Variants in NOP14 observed in about 807,000 individuals in gnomAD.
The protein encoded by NOP14 is NOP14 nucleolar protein.
NOP14 carries 57 observed loss-of-function variants against 101.6 expected under a neutral mutation model. The observed-to-expected ratio is 0.56, with a 90% CI of 0.45 to 0.70. The LOEUF (loss-of-function observed/expected upper bound fraction) is 0.70, where lower values mean the gene tolerates loss of function less well. NOP14 is among the 30% of genes least tolerant of loss of function. The probability of loss-of-function intolerance (pLI) is 0.00; values close to 1 mark genes in which losing one functional copy is unlikely to be tolerated. For missense variants in NOP14, 1,134 were observed against 1,075.5 expected, an observed-to-expected ratio of 1.05 and a Z score of -0.76; for synonymous variants, 428 against 424.0, an observed-to-expected ratio of 1.01 and a Z score of -0.12.
chr4:2,956,586 T>C, intron 3 of NOP14, 84 bp downstream of exon 3: 4 of 1,338,012 alleles, frequency 3.0e-6, no homozygotes, highest in Non-Finnish European at 4.0e-6. Flanking sequence ...TTCTCTAGTC[T>C]CTAAGAAGAG....
In NOP14 at chr4:2,952,271, C is replaced by G. The variant is rs1275368291; in HGVS notation, c.870+4G>C. 6.2e-7 allele frequency: 1 copy of G among 1,613,006 alleles called. No homozygotes were observed. The highest frequency in any genetic ancestry group is 1.7e-5 in the Admixed American group (1 of 59,996). ...GCCCTGCTCCTGAGGTGCTGCCACC[C>G]TACCTCCAGCTTCCTGAGGTGCTCC... On this transcript the variant is annotated splice_donor_region_variant and intron_variant, in intron 6 of 17. Transcript: ENST00000416614.
chr4:2,938,558 G>C lies in NOP14; in HGVS notation c.*273C>G. 1 of 476,034 alleles carries C rather than the reference G, an allele frequency of 2.1e-6. No homozygotes were observed. The highest frequency in any genetic ancestry group is 4.1e-5 in the East Asian group (1 of 24,182). The allele number at this position is 476,034 out of a possible 1,614,324, so 29.5% of individuals were successfully genotyped here. The stretch of plus-strand genomic sequence containing the variant: ...CAGTCTTGCACTGTGGCCGAGGCTG[G>C]AGTGCAGTGGCTCAATCACGGCTCA... On this transcript the variant is annotated 3_prime_UTR_variant, in exon 18 of 18. Transcript: ENST00000416614.
At chr4:2,961,246 GTAAC>G (rs1560312346) in intron 1 of NOP14, 95 of 129,840 alleles carry the variant, frequency 7.3e-4, no homozygotes, top group African/African-American at 2.4e-3. Flanking sequence ...TTAATATATA[GTAAC>G]TATATTAATA....
At chr4:2,942,979 C>T (rs558656953) in intron 13 of NOP14, among the ~76,000 whole-genome samples, 54 of 152,304 alleles carry the variant, frequency 3.5e-4, no homozygotes, top group African/African-American at 1.2e-3. Context: ...GGTCAGGCCC[C>T]GCCCCACACT....
chr4:2,950,060 C>T lies in NOP14; in HGVS notation c.1156G>A (p.Val386Met), dbSNP rs201384599. The stretch of plus-strand genomic sequence containing the variant: ...TTCTCGTTTTCTTCCTCACTCTCCA[C>T]GTTGGATTCCAGGTCCAAGTGGCTA... ...PDSHLDLESN[V>M]ESEEENEKPA... Residue 386 changes from valine to methionine, a missense_variant, in exon 8 of 18, where the codon GTG (valine) becomes ATG (methionine). Transcript: ENST00000416614. 1.2e-5 allele frequency: 19 copies of T among 1,614,150 alleles called. No individual in the cohort carries two copies. Among genetic ancestry groups the T allele is most frequent in the Middle Eastern group, 1.6e-4 (1 of 6,062 alleles).
At chr4:2,953,767 C>A in intron 4 of NOP14, 122 bp from the exon 5 acceptor site, 2 of 1,070,300 alleles carry the variant, frequency 1.9e-6, no homozygotes, top group Non-Finnish European at 2.7e-6. Context: ...CGTTTCAACA[C>A]AGAAAAGAGG....
rs1184045935 is a variant in NOP14 at position 2,945,202 on chromosome 4, G to A, written c.1663C>T (p.Leu555=). Reference sequence around the variant, plus strand: ...TGCCAGAAGTCGGAAGTTGGAAATAGCAGCCCAGTGATTTTCAAATAAATG... The same window carrying A: ...TGCCAGAAGTCGGAAGTTGGAAATAACAGCCCAGTGATTTTCAAATAAATG... ...VLIYLKITGL[L]FPTSDFWHPV... Residue 555 remains leucine, a synonymous_variant, in exon 12 of 18, where the codon CTA becomes TTA. Transcript: ENST00000416614. 1 of 1,579,816 alleles carries A rather than the reference G, an allele frequency of 6.3e-7. No homozygotes were observed. Among genetic ancestry groups the A allele is most frequent in the Non-Finnish European group, 8.6e-7 (1 of 1,161,994 alleles).
Position 2,958,452 on chromosome 4 carries a change from C to T in NOP14, c.196-712G>A, listed in dbSNP as rs78876416. 2.0e-3 allele frequency among the ~76,000 whole-genome samples: 302 copies of T among 152,296 alleles called. 1 individual carries two copies. Among genetic ancestry groups the T allele is most frequent in the Middle Eastern group, 3.4e-3 (1 of 294 alleles). ...CCACATTGCAAACTCTTTCTTGCTG[C>T]GGAACTTCTTCTATTTGCTAAGGAA... is the stretch of plus-strand genomic sequence containing the variant. On this transcript the variant is annotated intron_variant, in intron 1 of 17. Transcript: ENST00000416614.
At chr4:2,947,997 T>C (rs1307167437) in intron 9 of NOP14, among the ~76,000 whole-genome samples, 2 of 152,252 alleles carry the variant, frequency 1.3e-5, no homozygotes, top group East Asian at 3.8e-4. Flanking sequence ...ACGCTGGCTA[T>C]GTGAACCCTA....
intron 3 of NOP14, among the ~76,000 whole-genome samples, chr4:2,954,865 C>T (rs937441876): frequency 4.6e-5 from 7 of 152,124 alleles, no homozygotes; most frequent in African/African-American, 1.7e-4. Flanking sequence ...GACTGGCAAA[C>T]CCAGAGCAAG....
intron 5 of NOP14, among the ~76,000 whole-genome samples, chr4:2,952,606 G>C (rs1170206191): frequency 6.6e-6 from 1 of 152,116 alleles, no homozygotes; most frequent in Non-Finnish European, 1.5e-5. Context: ...CGGTCACAAA[G>C]AATTTGTTTA....
chr4:2,959,209 A>G (rs1238119852), intron 1 of NOP14, among the ~76,000 whole-genome samples: 2 of 152,238 alleles, frequency 1.3e-5, no homozygotes, highest in Non-Finnish European at 2.9e-5. Context: ...TTCAAGAACC[A>G]ATTTGTTTCA....
At position 2,941,296 on chromosome 4, in the gene NOP14, T is replaced by C. The variant is rs921754970; in HGVS notation, c.2199+286A>G. 9 of 411,778 alleles carry C rather than the reference T, an allele frequency of 2.2e-5. 1 individual carries two copies. Among genetic ancestry groups the C allele is most frequent in the African/African-American group, 1.9e-4 (9 of 48,258 alleles). The allele number at this position is 411,778 out of a possible 1,614,324, so 25.5% of individuals were successfully genotyped here. ...CTGACTGTCCAGGCCTGGCAGGGGCTGACCCCTGGGCGCTGGTGCACCCTC... is the reference window on the plus strand; with the variant it reads ...CTGACTGTCCAGGCCTGGCAGGGGCCGACCCCTGGGCGCTGGTGCACCCTC... On this transcript the variant is annotated intron_variant, in intron 15 of 17. Coordinates refer to ENST00000416614, the MANE Select transcript of NOP14 (RefSeq NM_001291978.2).
Position 2,939,628 on chromosome 4 carries a change from T to G in NOP14, c.2217A>C (p.Thr739=). ...GCTTCTGGCTTTCCATTTCGGTCAG[T>G]GTGCTCTGACACAGCTCCTGAAAAA... ...PQELQELCQS[T]LTEMESQKQL... is the part of the protein sequence containing the mutation. The change falls in exon 16 of 18, where the codon ACA becomes ACC. Residue 739 remains threonine, a synonymous_variant. Transcript: ENST00000416614. 1.2e-6 allele frequency: 2 copies of G among 1,613,668 alleles called. No homozygotes were observed. The highest frequency in any genetic ancestry group is 1.7e-6 in the Non-Finnish European group (2 of 1,179,890).
chr4:2,940,985 G>C (rs926348063), intron 15 of NOP14: 1 of 151,346 alleles, frequency 6.6e-6, no homozygotes, highest in African/African-American at 2.6e-5. Context: ...TCCTGGGCTG[G>C]TGCGGGCCAA....
chr4:2,960,808 ATAT>A (rs1429380375), intron 1 of NOP14, among the ~76,000 whole-genome samples: 6 of 105,542 alleles, frequency 5.7e-5, no homozygotes, highest in African/African-American at 1.7e-4. Context: ...TAATATATTA[ATAT>A]TATAATCACA....
At chr4:2,939,752 G>T (rs970282473) in intron 15 of NOP14, 107 bp from the exon 16 acceptor site, 9 of 847,504 alleles carry the variant, frequency 1.1e-5, no homozygotes, top group African/African-American at 8.2e-5. Context: ...AGTGCTGCGA[G>T]CTCCCTGCAG....
At position 2,948,349 on chromosome 4, in the gene NOP14, G is replaced by C. The variant is rs1350941339; in HGVS notation, c.1342C>G (p.Leu448Val). Reference sequence around the variant, plus strand: ...TTCTGAATTCTCTCCACCACCAAAAGCTGCTCTTCCATCGATCTTCCTAAC... The same window carrying C: ...TTCTGAATTCTCTCCACCACCAAAACCTGCTCTTCCATCGATCTTCCTAAC... ...LLLGRSMEEQ[L>V]LVVERIQKCN... is the part of the protein sequence containing the mutation. Residue 448 changes from leucine (L) to valine (V), a missense_variant, in exon 9 of 18, where the codon CTT becomes GTT. By Grantham distance (32) the Leu-to-Val change is conservative. Coordinates refer to ENST00000416614, the MANE Select transcript of NOP14 (RefSeq NM_001291978.2). The C allele has an allele frequency of 6.2e-7, 1 of 1,612,036 alleles. No homozygotes were observed. Among genetic ancestry groups the C allele is most frequent in the Admixed American group, 1.7e-5 (1 of 59,164 alleles).
intron 3 of NOP14, 83 bp downstream of exon 3, chr4:2,956,587 C>T (rs1217106009): frequency 1.5e-6 from 2 of 1,350,370 alleles, no homozygotes; most frequent in Admixed American, 5.1e-5. Flanking sequence ...TCTCTAGTCT[C>T]TAAGAAGAGC....
Sources: gnomAD v4.1 joint callset for allele counts (sites outside exome capture counted in the v4.1 genomes callset) on GRCh38, gnomAD v4.1.1 for gene constraint, MANE v1.5 for transcripts, NCBI Gene and HGNC (gene_info 2026-07-23, HGNC 2026-07-21) for gene names.